ZMYND19: variants seen among roughly 807,000 people sequenced by gnomAD.
The protein encoded by ZMYND19 is zinc finger MYND-type containing 19.
ZMYND19 carries 17 observed loss-of-function variants against 32.0 expected under a neutral mutation model. That is an observed-to-expected ratio of 0.53 (90% CI 0.36 to 0.80). The LOEUF (loss-of-function observed/expected upper bound fraction) is 0.80. Among genes scored for constraint, ZMYND19 ranks in the 30% least tolerant of loss-of-function variants. The pLI is 0.00. For missense variants in ZMYND19, 250 were observed against 293.6 expected (o/e 0.85, Z 1.09); for synonymous variants, 124 against 113.6 (o/e 1.09, Z -0.58).
rs74964161 is a variant in ZMYND19 at position 137,582,580 on chromosome 9, T to C, written c.647A>G (p.Lys216Arg). The change falls in exon 6 of 6, where the codon AAG (lysine) becomes AGG (arginine). Residue 216 changes from lysine to arginine, a missense_variant. Physicochemically the swap from Lys to Arg is conservative, Grantham distance 26. Coordinates refer to ENST00000298585, the MANE Select transcript of ZMYND19 (RefSeq NM_138462.3). ...PAHKKHCRER[K>R]RPFQHELEPE... ...CTCAAGCTCATGCTGGAAGGGACGC[T>C]TCCTCTCCCGACAGTGCTTCTTGTG... is the stretch of plus-strand genomic sequence containing the variant. 5,897 of 1,613,456 alleles carry C rather than the reference T, an allele frequency of 3.7e-3. 15 individuals carry two copies. The highest frequency in any genetic ancestry group is 4.2e-3 in the Non-Finnish European group (5,005 of 1,180,018).
At chr9:137,587,968 T>C in intron 2 of ZMYND19, 145 bp from the exon 3 acceptor site, 5 of 783,004 alleles carry the variant, frequency 6.4e-6, no homozygotes, top group Non-Finnish European at 6.4e-6. Flanking sequence ...AGTGCAGAGC[T>C]TCCCACAGGC....
At chr9:137,583,276 T>C (rs1055285087) in intron 4 of ZMYND19, 113 bp from the exon 5 acceptor site, 4 of 1,198,178 alleles carry the variant, frequency 3.3e-6, no homozygotes, top group Non-Finnish European at 4.7e-6. Flanking sequence ...CCAGCCCGAG[T>C]TTGAGTCTCC....
chr9:137,583,202 A>C, intron 4 of ZMYND19, 39 bp from the exon 5 acceptor site: 2 of 1,603,302 alleles, frequency 1.2e-6, no homozygotes, highest in Non-Finnish European at 1.7e-6. Context: ...CACTCTGGCC[A>C]AACGGGGCCA....
chr9:137,583,083 G>C lies in ZMYND19; in HGVS notation c.440C>G (p.Thr147Ser). The C allele has an allele frequency of 6.2e-7, 1 of 1,614,174 alleles. No homozygotes were observed. ...ATCCCCGTTGGCATTATAATACCGG[G>C]TCACATTTAGGACAGGAAACTGTTC... ...IEEQFPVLNV[T>S]RYYNANGDVV... is the part of the protein sequence containing the mutation. The change falls in exon 5 of 6, where the codon ACC becomes AGC. Residue 147 changes from threonine to serine, a missense_variant. Thr to Ser is a moderately conservative substitution (Grantham distance 58). Transcript: ENST00000298585.
At chr9:137,585,048 C>G (rs1052309796) in intron 4 of ZMYND19, among the ~76,000 whole-genome samples, 4 of 152,160 alleles carry the variant, frequency 2.6e-5, no homozygotes, top group African/African-American at 9.7e-5. Context: ...CACTCACAAG[C>G]AGTATGAGGA....
chr9:137,587,192 C>G, intron 3 of ZMYND19, 85 bp from the exon 4 acceptor site: 1 of 1,545,716 alleles, frequency 6.5e-7, no homozygotes, highest in Non-Finnish European at 8.7e-7. Flanking sequence ...TACCAAAGTC[C>G]TTCCAGGAAG....
Position 137,584,298 on chromosome 9 carries a change from G to A in ZMYND19, c.360-1135C>T, listed in dbSNP as rs532936685. 4.6e-5 allele frequency among the ~76,000 whole-genome samples: 7 copies of A among 152,394 alleles called. No individual in the cohort carries two copies. In the South Asian group the frequency reaches 1.2e-3, roughly 27 times the overall value. ...CTGTAGCAGGGGGTTGTGTAAGGCA[G>A]CAGCCCCAGCGCAACTCGTCCTGCT... On this transcript the variant is annotated intron_variant, in intron 4 of 5. Coordinates refer to ENST00000298585, the MANE Select transcript of ZMYND19 (RefSeq NM_138462.3).
chr9:137,582,237 C>T lies in ZMYND19; in HGVS notation c.*306G>A. The T allele has an allele frequency of 3.6e-6, 1 of 280,136 alleles. No individual in the cohort carries two copies. Among genetic ancestry groups the T allele is most frequent in the Non-Finnish European group, 6.7e-6 (1 of 148,884 alleles). 17.4% of individuals were successfully genotyped at this position (280,136 alleles called of 1,614,324 possible). A position where few individuals can be genotyped will look rare whatever the true frequency, so the allele number is the denominator to read the frequency against. On this transcript the variant is annotated 3_prime_UTR_variant, in exon 6 of 6. Transcript: ENST00000298585. ...CATTTAAGGATTACAGCAAATGATT[C>T]TATTTGTAATTTCTACCCTTCCCAT...
In ZMYND19 at chr9:137,590,292, G is replaced by A. The variant is rs1842258621; in HGVS notation, c.-29C>T. 1.4e-5 allele frequency: 15 copies of A among 1,054,996 alleles called. No homozygotes were observed. The South Asian group carries it at 3.7e-4, about 26-fold the overall frequency. The allele number at this position is 1,054,996 out of a possible 1,614,324, so 65.4% of individuals were successfully genotyped here. On this transcript the variant is annotated 5_prime_UTR_variant, in exon 1 of 6. Coordinates refer to ENST00000298585, the MANE Select transcript of ZMYND19 (RefSeq NM_138462.3). This position sits in a 1 kb window ranked among gnomAD's most constrained non-coding sequence, Gnocchi z 4.2. ...CGGGCCTGCGCTCTCGGCCGGCAGC[G>A]CCGCTCCCTCGGGAGGCGCCGAGCG...
chr9:137,589,647 G>C, intron 1 of ZMYND19: 1 of 985,504 alleles, frequency 1.0e-6, no homozygotes, highest in South Asian at 4.7e-5. Flanking sequence ...TCAGGGCCCA[G>C]GCTTCTTCCT....
intron 4 of ZMYND19, among the ~76,000 whole-genome samples, chr9:137,586,211 C>T (rs1268595762): frequency 3.9e-5 from 6 of 152,116 alleles, no homozygotes; most frequent in African/African-American, 1.4e-4. Flanking sequence ...AACTGTTTAG[C>T]AAAAGAACAC....
intron 5 of ZMYND19, 74 bp downstream of exon 5, chr9:137,582,909 G>A: frequency 1.3e-6 from 2 of 1,578,078 alleles, no homozygotes; most frequent in South Asian, 1.2e-5. Context: ...CCGCGGTGGA[G>A]GGCAAGATCC....
rs768147821 is a variant in ZMYND19 at position 137,587,090 on chromosome 9, C to A, written c.236G>T (p.Gly79Val). 2 of 1,606,230 alleles carry A rather than the reference C, an allele frequency of 1.2e-6. No homozygotes were observed. Among genetic ancestry groups the A allele is most frequent in the Non-Finnish European group, 1.7e-6 (2 of 1,179,872 alleles). ...CACCACCTGGAAGCCCGGGGCCACG[C>A]CCCCCCGGTGCCGCTCCCTAGAAAC... Reference protein sequence around the residue: ...HELLWERHRGGVAPGFQVVHL... With the variant: ...HELLWERHRGVVAPGFQVVHL... Residue 79 changes from glycine to valine, a missense_variant, in exon 4 of 6, where the codon GGC (glycine) becomes GTC (valine). This residue lies in a region of ZMYND19 where 212 missense variants were observed against 218.8 expected (regional missense o/e 0.97). Coordinates refer to ENST00000298585, the MANE Select transcript of ZMYND19 (RefSeq NM_138462.3).
In ZMYND19 at chr9:137,583,221, C is replaced by T. The variant is rs1299647449; in HGVS notation, c.360-58G>A. On this transcript the variant is annotated intron_variant, in intron 4 of 5. Coordinates refer to ENST00000298585, the MANE Select transcript of ZMYND19 (RefSeq NM_138462.3). Reference sequence around the variant, plus strand: ...CTGGCCAAACGGGGCCAGCACACAGCAGACGATGCAATGACTCCATAGAGT... The same window carrying T: ...CTGGCCAAACGGGGCCAGCACACAGTAGACGATGCAATGACTCCATAGAGT... 4 of 1,574,178 alleles carry T rather than the reference C, an allele frequency of 2.5e-6. No homozygotes were observed. In the African/African-American group the frequency reaches 5.4e-5, roughly 21 times the overall value.
At position 137,590,152 on chromosome 9, in the gene ZMYND19, G is replaced by A; in HGVS notation, c.51+61C>T. The A allele has an allele frequency of 1.0e-6, 1 of 992,838 alleles. No homozygotes were observed. The highest frequency in any genetic ancestry group is 4.2e-5 in the South Asian group (1 of 23,700). The allele number at this position is 992,838 out of a possible 1,614,324, so 61.5% of individuals were successfully genotyped here. On this transcript the variant is annotated intron_variant, in intron 1 of 5. Coordinates refer to ENST00000298585, the MANE Select transcript of ZMYND19 (RefSeq NM_138462.3). This position sits in a 1 kb window ranked among gnomAD's most constrained non-coding sequence, Gnocchi z 4.2. The stretch of plus-strand genomic sequence containing the variant: ...GGCCGCCGCCCGCACAACCGCCCCC[G>A]GCCCCGCGCGGAGGCCTGGACGGGC...
chr9:137,587,253 A>C, intron 3 of ZMYND19, 146 bp from the exon 4 acceptor site: 1 of 1,333,484 alleles, frequency 7.5e-7, no homozygotes, highest in Non-Finnish European at 1.0e-6. Context: ...GGATGAGGGT[A>C]CCTCAGGCGG....
intron 4 of ZMYND19, among the ~76,000 whole-genome samples, chr9:137,584,554 T>C (rs888299639): frequency 3.3e-5 from 5 of 152,144 alleles, no homozygotes; most frequent in Non-Finnish European, 4.4e-5. Flanking sequence ...ACAGAAGGCA[T>C]TGCCAGGTGG....
intron 4 of ZMYND19, among the ~76,000 whole-genome samples, chr9:137,586,604 G>A (rs904497892): frequency 6.6e-6 from 1 of 152,180 alleles, no homozygotes; most frequent in African/African-American, 2.4e-5. Context: ...ATCCTGAGGT[G>A]AGGAGAGAAG....
In ZMYND19 at chr9:137,590,304, G is replaced by A; in HGVS notation, c.-41C>T. On this transcript the variant is annotated 5_prime_UTR_variant, in exon 1 of 6. Transcript: ENST00000298585. This position sits in a 1 kb window ranked among gnomAD's most constrained non-coding sequence, Gnocchi z 4.2. ...CTCGGCCGGCAGCGCCGCTCCCTCG[G>A]GAGGCGCCGAGCGGGGGCCGGGGCG... 10 of 1,034,720 alleles carry A rather than the reference G, an allele frequency of 9.7e-6. No individual in the cohort carries two copies. Among genetic ancestry groups the A allele is most frequent in the Non-Finnish European group, 1.2e-5 (10 of 862,538 alleles). 64.1% of individuals were successfully genotyped at this position (1,034,720 alleles called of 1,614,324 possible).
Sources: gnomAD v4.1 joint callset for allele counts (sites outside exome capture counted in the v4.1 genomes callset) on GRCh38, gnomAD v4.1.1 for gene constraint, gnomAD v4.1.1 regional missense constraint, Gnocchi (gnomAD v3.1) non-coding constraint, MANE v1.5 for transcripts, NCBI Gene and HGNC (gene_info 2026-07-23, HGNC 2026-07-21) for gene names.